LINGO2: variants seen among roughly 807,000 people sequenced by gnomAD.
The protein encoded by LINGO2 is leucine-rich repeat and immunoglobulin-like domain-containing nogo receptor-interacting protein 2.
A neutral mutation model predicts 30.6 loss-of-function variants in LINGO2; 14 were observed. That is an observed-to-expected ratio of 0.46 (90% CI 0.30 to 0.72). The LOEUF (loss-of-function observed/expected upper bound fraction) is 0.72. Ranked by LOEUF, LINGO2 falls within the 30% of genes least tolerant of loss-of-function variation. The probability of loss-of-function intolerance (pLI) is 0.07; values close to 1 mark genes in which losing one functional copy is unlikely to be tolerated. For synonymous variants in LINGO2, 317 were observed against 288.5 expected (o/e 1.10, Z -1.00); for missense variants, 729 against 751.7 (o/e 0.97, Z 0.35).
At chr9:28,353,637 G>A (rs975496287) in intron 3 of LINGO2, among the ~76,000 whole-genome samples, 1 of 152,058 alleles carries the variant, frequency 6.6e-6, no homozygotes, top group African/African-American at 2.4e-5. Context: ...ATTTGACCCA[G>A]CCATCCCATT....
At chr9:28,250,609 G>T (rs953243789) in intron 4 of LINGO2, among the ~76,000 whole-genome samples, 5 of 152,114 alleles carry the variant, frequency 3.3e-5, no homozygotes, top group Non-Finnish European at 7.4e-5. Flanking sequence ...CCCCATCCCC[G>T]CTCATGATGG....
the LINGO2 span, among the ~76,000 whole-genome samples, chr9:28,848,061 A>ATATACTATATACACACTATATATAGTG: frequency 3.2e-4 from 16 of 49,742 alleles, 1 homozygote; most frequent in East Asian, 8.2e-3. Flanking sequence ...ATATATATAT[A>ATATACTATATACACACTATATATAGTG]TGTATATAAT....
intron 4 of LINGO2, among the ~76,000 whole-genome samples, chr9:28,072,560 T>G (rs1024428221): frequency 6.6e-6 from 1 of 152,194 alleles, no homozygotes; most frequent in Non-Finnish European, 1.5e-5. Context: ...AAGAATCATA[T>G]ATCCCTTCCC....
rs551202334 is a variant in LINGO2, at chr9:28,223,304, G to A, written c.-87+71904C>T. On this transcript the variant is annotated intron_variant, in intron 4 of 5. Transcript: ENST00000379992. ...TGCTCTCTGCTTCTAAGATTCTGCC[G>A]TCTCACATCCTCTGGAGGGGAGGAA... is the stretch of plus-strand genomic sequence containing the variant. 7.4e-4 allele frequency among the ~76,000 whole-genome samples: 113 copies of A among 152,306 alleles called. 1 individual carries two copies. Among genetic ancestry groups the A allele is most frequent in the African/African-American group, 2.4e-3 (99 of 41,570 alleles).
At chr9:28,633,753 G>C (rs369838772) in intron 1 of LINGO2, among the ~76,000 whole-genome samples, 1 of 152,144 alleles carries the variant, frequency 6.6e-6, no homozygotes, top group Non-Finnish European at 1.5e-5. Context: ...TGTTGGCTTA[G>C]CCTAACATCT....
In LINGO2 at chr9:28,620,877, A is replaced by G. The variant is rs573040905; in HGVS notation, c.-365+49323T>C. Among the ~76,000 whole-genome samples the G allele has an allele frequency of 7.9e-5, 12 of 152,168 alleles. No homozygotes were observed. In the South Asian group the frequency reaches 2.5e-3, roughly 32 times the overall value. On this transcript the variant is annotated intron_variant, in intron 1 of 5. Coordinates refer to ENST00000379992, the Ensembl canonical transcript of LINGO2. ...GGATCAGGAAAAACAACTAATGGTT[A>G]CGAGGCTTAATACCTAGGTGATGAA...
chr9:28,016,991 C>T (rs550313349), intron 4 of LINGO2, among the ~76,000 whole-genome samples: 29 of 152,212 alleles, frequency 1.9e-4, no homozygotes, highest in African/African-American at 7.0e-4. Context: ...GCTAATTCAC[C>T]ACGATCAAGT....
chr9:29,080,792 C>T, the LINGO2 span, among the ~76,000 whole-genome samples: 1 of 152,090 alleles, frequency 6.6e-6, no homozygotes, highest in African/African-American at 2.4e-5. Flanking sequence ...AGTTTGATCG[C>T]ACTGTGGTCT....
chr9:28,042,053 G>A (rs1307811745), intron 4 of LINGO2, among the ~76,000 whole-genome samples: 1 of 152,106 alleles, frequency 6.6e-6, no homozygotes, highest in African/African-American at 2.4e-5. Context: ...TCTGTAAAAT[G>A]GGGAGAATAA....
intron 1 of LINGO2, among the ~76,000 whole-genome samples, chr9:28,476,455 T>G (rs1189837325): frequency 6.6e-6 from 1 of 151,856 alleles, no homozygotes; most frequent in Non-Finnish European, 1.5e-5. Context: ...TTTTGTATTT[T>G]TAGTAGAGAC....
chr9:29,210,424 T>C, the LINGO2 span, among the ~76,000 whole-genome samples: 3 of 152,174 alleles, frequency 2.0e-5, no homozygotes, highest in Non-Finnish European at 4.4e-5. Context: ...ATTCAACAAA[T>C]AAATGATTAG....
At chr9:28,926,159 C>T in the LINGO2 span, among the ~76,000 whole-genome samples, 2 of 151,982 alleles carry the variant, frequency 1.3e-5, no homozygotes, top group Admixed American at 6.6e-5. Context: ...CTAAAAAATA[C>T]AAAAATTAGC....
At chr9:28,645,201 T>C (rs75462030) in intron 1 of LINGO2, among the ~76,000 whole-genome samples, 2,944 of 152,036 alleles carry the variant, frequency 0.019, 71 homozygotes, top group African/African-American at 0.04. Flanking sequence ...AGTTAATTAA[T>C]TGGAAAAAAA....
chr9:28,913,908 T>G, the LINGO2 span, among the ~76,000 whole-genome samples: 6 of 152,182 alleles, frequency 3.9e-5, no homozygotes, highest in African/African-American at 1.2e-4. Context: ...AGAGAGCACA[T>G]GATTTTTTAA....
chr9:28,317,454 T>G (rs1202412179), intron 3 of LINGO2, among the ~76,000 whole-genome samples: 1 of 152,150 alleles, frequency 6.6e-6, no homozygotes, highest in Non-Finnish European at 1.5e-5. Context: ...CTTTGTAACT[T>G]TATTAGTAAA....
the LINGO2 span, among the ~76,000 whole-genome samples, chr9:29,065,942 T>C: frequency 6.6e-6 from 1 of 151,974 alleles, no homozygotes; most frequent in South Asian, 2.1e-4. Flanking sequence ...GTTATTTCTG[T>C]TGGAAATATT....
intron 4 of LINGO2, among the ~76,000 whole-genome samples, chr9:28,131,623 A>AT (rs1210673910): frequency 4.6e-5 from 7 of 152,078 alleles, no homozygotes; most frequent in East Asian, 1.9e-4. Flanking sequence ...TTAGCTGGTA[A>AT]TTTTTTTACA....
intron 1 of LINGO2, among the ~76,000 whole-genome samples, chr9:28,506,495 C>A (rs374097605): frequency 1.2e-5 from 1 of 81,028 alleles, no homozygotes. Flanking sequence ...CATACACACA[C>A]ACACACAGAC....
chr9:28,386,731 T>C (rs1434739722), intron 2 of LINGO2, among the ~76,000 whole-genome samples: 1 of 152,142 alleles, frequency 6.6e-6, no homozygotes, highest in African/African-American at 2.4e-5. Context: ...TCTAGATAGG[T>C]TGTTTATAAA....
Sources: allele counts gnomAD v4.1 joint callset (sites outside exome capture counted in the v4.1 genomes callset), GRCh38; gene constraint gnomAD v4.1.1; transcripts MANE v1.5; gene names NCBI Gene and HGNC (gene_info 2026-07-23, HGNC 2026-07-21).